The following LRRC17 variants were observed in gnomAD, a reference collection of about 807,000 sequenced individuals.
LRRC17 encodes leucine-rich repeat-containing protein 17.
Under a neutral mutation model 41.5 loss-of-function variants are expected in LRRC17, and 33 were observed. That is an observed-to-expected ratio of 0.80 (90% CI 0.60 to 1.06). The LOEUF (loss-of-function observed/expected upper bound fraction) is 1.06, where lower values mean the gene tolerates loss of function less well. Ranked by LOEUF, LRRC17 falls within the 50% of genes least tolerant of loss-of-function variation. LRRC17 has a pLI of 0.00. For missense variants in LRRC17, 491 were observed against 519.3 expected, an observed-to-expected ratio of 0.95 and a Z score of 0.53; for synonymous variants, 192 against 197.0, an observed-to-expected ratio of 0.97 and a Z score of 0.21.
intron 1 of LRRC17, among the ~76,000 whole-genome samples, chr7:102,929,005 T>C (rs1212149015): frequency 6.6e-6 from 1 of 152,216 alleles, no homozygotes; most frequent in Non-Finnish European, 1.5e-5. Context: ...TTATTTATGT[T>C]AAAGTACAAG....
chr7:102,942,479 C>G, intron 3 of LRRC17: 1 of 591,442 alleles, frequency 1.7e-6, no homozygotes, highest in East Asian at 3.1e-5. Context: ...AAGAAACAGA[C>G]TAAAACTAGT....
intron 1 of LRRC17, among the ~76,000 whole-genome samples, chr7:102,916,430 G>T (rs896721393): frequency 2.0e-5 from 3 of 152,112 alleles, no homozygotes; most frequent in Admixed American, 6.5e-5. Context: ...GTGACTCCTG[G>T]ATTGAAAATC....
At chr7:102,943,160 C>T (rs1821782003) in intron 3 of LRRC17, among the ~76,000 whole-genome samples, 1 of 152,134 alleles carries the variant, frequency 6.6e-6, no homozygotes, top group Admixed American at 6.5e-5. Context: ...TAGAACCCTT[C>T]CCCCAACACT....
chr7:102,926,237 A>AT (rs746036855), intron 1 of LRRC17: 8 of 1,581,396 alleles, frequency 5.1e-6, no homozygotes, highest in African/African-American at 1.3e-5. Flanking sequence ...TGGGAGCATA[A>AT]TTTTTTTCAG....
At chr7:102,920,293 G>T (rs1563091693) in intron 1 of LRRC17, among the ~76,000 whole-genome samples, 1 of 152,074 alleles carries the variant, frequency 6.6e-6, no homozygotes, top group Non-Finnish European at 1.5e-5. Flanking sequence ...CAGAGCAAAA[G>T]ACAGAAATAC....
intron 3 of LRRC17, chr7:102,942,335 T>C: frequency 2.5e-6 from 4 of 1,591,590 alleles, no homozygotes; most frequent in Non-Finnish European, 3.4e-6. Context: ...TGAATGATTT[T>C]TGCTGTGGTA....
intron 1 of LRRC17, among the ~76,000 whole-genome samples, chr7:102,931,142 C>T (rs1819096142): frequency 6.6e-6 from 1 of 152,036 alleles, no homozygotes; most frequent in African/African-American, 2.4e-5. Context: ...CACTTGGGGA[C>T]AAAGGGAAAG....
intron 1 of LRRC17, among the ~76,000 whole-genome samples, chr7:102,915,963 A>G (rs1720897177): frequency 6.6e-6 from 1 of 152,056 alleles, no homozygotes. Flanking sequence ...TACAGTTAAT[A>G]AAAGTAGAGA....
rs1291883005 is a variant in LRRC17 at position 102,944,556 on chromosome 7, T to C, written c.1275T>C (p.His425=). 1 of 1,613,170 alleles carries C rather than the reference T, an allele frequency of 6.2e-7. No individual in the cohort carries two copies. Among genetic ancestry groups the C allele is most frequent in the East Asian group, 2.2e-5 (1 of 44,872 alleles). ...AAGATGATGAATGGGAAAAAAAACATAGAGATCACACCGCAAAGAAGCAAA... is the reference window on the plus strand; with the variant it reads ...AAGATGATGAATGGGAAAAAAAACACAGAGATCACACCGCAAAGAAGCAAA... The part of the protein sequence containing the change: ...DTEDDEWEKK[H]RDHTAKKQSV... Residue 425 remains histidine (H), a synonymous_variant, in exon 4 of 4, where the codon CAT becomes CAC. Coordinates refer to ENST00000339431, the MANE Select transcript of LRRC17 (RefSeq NM_001031692.3).
At chr7:102,933,236 G>A (rs1819565782) in intron 1 of LRRC17, 1 of 151,958 alleles carries the variant, frequency 6.6e-6, no homozygotes, top group Non-Finnish European at 1.5e-5. Flanking sequence ...CATCTCTGGA[G>A]CCCACACCCA....
intron 3 of LRRC17, among the ~76,000 whole-genome samples, chr7:102,943,871 T>A (rs1239774920): frequency 6.6e-6 from 1 of 152,178 alleles, no homozygotes; most frequent in East Asian, 1.9e-4. Context: ...TGACAGGAGG[T>A]AGTTTTGCAA....
chr7:102,940,672 T>C (rs1382478615), intron 3 of LRRC17, among the ~76,000 whole-genome samples: 6 of 152,256 alleles, frequency 3.9e-5, no homozygotes, highest in Non-Finnish European at 7.3e-5. Context: ...TATCTAGTTC[T>C]AGATCAAGAC....
rs1362108481 is a variant in LRRC17 at position 102,939,520 on chromosome 7, T to C, written c.863T>C (p.Phe288Ser). The C allele has an allele frequency of 2.5e-6, 4 of 1,613,964 alleles. No individual in the cohort carries two copies. Among genetic ancestry groups the C allele is most frequent in the Non-Finnish European group, 3.4e-6 (4 of 1,179,978 alleles). The part of the protein sequence containing the change: ...NKINQLRPKE[F>S]EDVHELKKLN... Reference sequence around the variant, plus strand: ...ATCAACCAACTTCGACCCAAGGAATTTGAAGATGTTCATGAGCTGAAGAAA... The same window carrying C: ...ATCAACCAACTTCGACCCAAGGAATCTGAAGATGTTCATGAGCTGAAGAAA... Residue 288 changes from phenylalanine to serine, a missense_variant, in exon 3 of 4, where the codon TTT (phenylalanine) becomes TCT (serine). Physicochemically the swap from Phe to Ser is radical, Grantham distance 155. Transcript: ENST00000339431.
chr7:102,944,581 A>C lies in LRRC17; in HGVS notation c.1300A>C (p.Ser434Arg), dbSNP rs1220478445. Residue 434 changes from serine to arginine, a missense_variant, in exon 4 of 4, where the codon AGC (serine) becomes CGC (arginine). Transcript: ENST00000339431. ...KHRDHTAKKQ[S>R]VIITIVG ...TAGAGATCACACCGCAAAGAAGCAA[A>C]GCGTAATAATTACTATAGTAGGATA... is the stretch of plus-strand genomic sequence containing the variant. 3.1e-6 allele frequency: 5 copies of C among 1,609,346 alleles called. No individual in the cohort carries two copies. Among genetic ancestry groups the C allele is most frequent in the South Asian group, 1.1e-5 (1 of 89,954 alleles).
intron 2 of LRRC17, 24 bp from the exon 3 acceptor site, chr7:102,939,405 AC>A (rs1820955167): frequency 1.9e-6 from 3 of 1,588,760 alleles, no homozygotes; most frequent in African/African-American, 1.4e-5. Flanking sequence ...GAGCATAATA[AC>A]GTAAATATTA....
At chr7:102,942,430 A>G in intron 3 of LRRC17, 11 of 1,225,586 alleles carry the variant, frequency 9.0e-6, no homozygotes, top group Non-Finnish European at 1.2e-5. Context: ...TGTGGAAAAG[A>G]GAAAGAAGAT....
chr7:102,942,308 C>G (rs764881002), intron 3 of LRRC17: 4 of 1,598,046 alleles, frequency 2.5e-6, no homozygotes, highest in Admixed American at 3.5e-5. Flanking sequence ...AGATGAAACC[C>G]TGCAAGTAGA....
chr7:102,938,139 GC>G (rs1170083761), intron 2 of LRRC17, among the ~76,000 whole-genome samples: 1 of 152,230 alleles, frequency 6.6e-6, no homozygotes, highest in Non-Finnish European at 1.5e-5. Flanking sequence ...GCATATTTAT[GC>G]CATATTGAGG....
At chr7:102,915,609 G>A (rs1815695846) in intron 1 of LRRC17, among the ~76,000 whole-genome samples, 1 of 152,118 alleles carries the variant, frequency 6.6e-6, no homozygotes, top group Admixed American at 6.6e-5. Context: ...AGACACCTTT[G>A]GCTTTTGGCA....
Sources: gnomAD v4.1 joint callset for allele counts (sites outside exome capture counted in the v4.1 genomes callset) on GRCh38, gnomAD v4.1.1 for gene constraint, MANE v1.5 for transcripts, NCBI Gene and HGNC (gene_info 2026-07-23, HGNC 2026-07-21) for gene names.